Variants in SEMA6D observed in about 807,000 individuals in gnomAD.
SEMA6D encodes the protein semaphorin 6D, also known as semaphorin-6D.
Under a neutral mutation model 106.6 loss-of-function variants are expected in SEMA6D, and 35 were observed. The observed-to-expected ratio is 0.33, with a 90% CI of 0.25 to 0.44. SEMA6D has a LOEUF of 0.44. Ranked by LOEUF, SEMA6D falls within the 20% of genes least tolerant of loss-of-function variation. The probability of loss-of-function intolerance (pLI) is 1.00; values close to 1 mark genes in which losing one functional copy is unlikely to be tolerated. For synonymous variants in SEMA6D, 499 were observed against 487.7 expected (o/e 1.02, Z -0.31); for missense variants, 1,185 against 1,345.9 (o/e 0.88, Z 1.87).
At chr15:47,218,732 G>T (rs2030902488) in intron 1 of SEMA6D, among the ~76,000 whole-genome samples, 1 of 152,248 alleles carries the variant, frequency 6.6e-6, no homozygotes, top group Non-Finnish European at 1.5e-5. Context: ...ATTAATCCTT[G>T]CTCTGTGCCA....
At chr15:47,414,352 AAC>A (rs1658310254) in intron 2 of SEMA6D, among the ~76,000 whole-genome samples, 1 of 152,174 alleles carries the variant, frequency 6.6e-6, no homozygotes, top group African/African-American at 2.4e-5. Context: ...AATTTAAGAT[AAC>A]ATCCTAATTA....
rs1197901780 is a variant in SEMA6D at position 47,494,741 on chromosome 15, G to GATAGAT, written c.-87+24199_-87+24200insGATATA. On this transcript the variant is annotated intron_variant, in intron 3 of 19. Transcript: ENST00000558014. Reference sequence around the variant, plus strand: ...TTAAAAATCTGGAGAGTGGGATGGAGATATATATATATATATATATATATA... The same window carrying GATAGAT: ...TTAAAAATCTGGAGAGTGGGATGGAGATAGATATATATATATATATATATATATATA... 4.2e-3 allele frequency among the ~76,000 whole-genome samples: 137 copies of GATAGAT among 32,972 alleles called. 1 individual carries two copies. Among genetic ancestry groups the GATAGAT allele is most frequent in the South Asian group, 0.012 (6 of 520 alleles). 21.6% of individuals were successfully genotyped at this position (32,972 alleles called of 152,430 possible).
chr15:47,492,934 C>T (rs2043517671), intron 3 of SEMA6D, among the ~76,000 whole-genome samples: 1 of 152,042 alleles, frequency 6.6e-6, no homozygotes, highest in African/African-American at 2.4e-5. Context: ...GTATTAAATT[C>T]TTCCATATCC....
intron 3 of SEMA6D, among the ~76,000 whole-genome samples, chr15:47,583,939 C>T (rs1223224723): frequency 2.6e-5 from 4 of 152,128 alleles, no homozygotes; most frequent in Non-Finnish European, 5.9e-5. Context: ...ACACAATGAG[C>T]AAGTGCAGTC....
chr15:47,204,798 CTCAA>C (rs1894947132), intron 1 of SEMA6D, among the ~76,000 whole-genome samples: 1 of 152,136 alleles, frequency 6.6e-6, no homozygotes, highest in Non-Finnish European at 1.5e-5. Context: ...ATTTTAAGTG[CTCAA>C]TCAATGATGT....
chr15:47,374,942 C>G (rs150441316), intron 1 of SEMA6D, among the ~76,000 whole-genome samples: 3 of 152,294 alleles, frequency 2.0e-5, no homozygotes, highest in African/African-American at 7.2e-5. Flanking sequence ...GTTGCAGAGG[C>G]AGGCACGAGT....
chr15:47,476,644 G>A (rs1332896125), intron 3 of SEMA6D, among the ~76,000 whole-genome samples: 1 of 152,076 alleles, frequency 6.6e-6, no homozygotes, highest in Admixed American at 6.6e-5. Flanking sequence ...TGGGAATGGG[G>A]GTGGGGGGAG....
At chr15:47,661,375 A>T (rs2077915128) in intron 4 of SEMA6D, among the ~76,000 whole-genome samples, 1 of 152,210 alleles carries the variant, frequency 6.6e-6, no homozygotes, top group South Asian at 2.1e-4. Context: ...CAGAGTTAAG[A>T]TTTCTGAAAT....
At chr15:47,656,849 G>A (rs1407957394) in intron 4 of SEMA6D, among the ~76,000 whole-genome samples, 1 of 152,168 alleles carries the variant, frequency 6.6e-6, no homozygotes, top group Non-Finnish European at 1.5e-5. Context: ...TGATCAGCAT[G>A]GTGGCATCAG....
In SEMA6D at chr15:47,756,009, C is replaced by T. The variant is rs1001142733; in HGVS notation, c.-54-3736C>T. On this transcript the variant is annotated intron_variant, in intron 1 of 18. Coordinates refer to ENST00000536845, the MANE Select transcript of SEMA6D (RefSeq NM_001358351.3). ...TCACGCCCTGGTTGTTCTGGCAGCT[C>T]TGAACTCCCATTAAGAGCTTTCCTC... is the stretch of plus-strand genomic sequence containing the variant. Among the ~76,000 whole-genome samples the T allele has an allele frequency of 3.4e-4, 51 of 152,002 alleles. 1 individual carries two copies. The highest frequency in any genetic ancestry group is 8.8e-5 in the Non-Finnish European group (6 of 67,996).
At chr15:47,328,820 G>T (rs1225670955) in intron 1 of SEMA6D, among the ~76,000 whole-genome samples, 4 of 152,198 alleles carry the variant, frequency 2.6e-5, no homozygotes, top group African/African-American at 9.6e-5. Flanking sequence ...TGGTGATGGA[G>T]TCCACTGTTG....
chr15:47,351,141 A>G (rs763743045), intron 1 of SEMA6D, among the ~76,000 whole-genome samples: 1 of 152,134 alleles, frequency 6.6e-6, no homozygotes, highest in Non-Finnish European at 1.5e-5. Flanking sequence ...CTTCTTCCTA[A>G]AGAAAATGTT....
intron 1 of SEMA6D, among the ~76,000 whole-genome samples, chr15:47,202,082 T>G (rs1272194292): frequency 6.6e-6 from 1 of 152,026 alleles, no homozygotes; most frequent in Non-Finnish European, 1.5e-5. Context: ...GCCTGTGGTC[T>G]GTAACAGATT....
At chr15:47,191,669 A>G (rs1407775371) in intron 1 of SEMA6D, among the ~76,000 whole-genome samples, 1 of 152,238 alleles carries the variant, frequency 6.6e-6, no homozygotes, top group Non-Finnish European at 1.5e-5. Context: ...GAATACAATG[A>G]AAAATTAAAT....
chr15:47,703,339 T>C (rs1453710719), intron 4 of SEMA6D, among the ~76,000 whole-genome samples: 1 of 152,230 alleles, frequency 6.6e-6, no homozygotes, highest in African/African-American at 2.4e-5. Flanking sequence ...ATAAAAACAT[T>C]TTCATGCTTT....
chr15:47,370,710 A>ATTTTTTTTTTTTTTTTTTTTT (rs753063711), intron 1 of SEMA6D, among the ~76,000 whole-genome samples: 1 of 138,238 alleles, frequency 7.2e-6, no homozygotes, highest in Non-Finnish European at 1.5e-5. Context: ...AAAAAAAAAA[A>ATTTTTTTTTTTTTTTTTTTTT]TTTGATGGGT....
At chr15:47,741,908 G>T (rs2080844685) in intron 1 of SEMA6D, among the ~76,000 whole-genome samples, 1 of 152,198 alleles carries the variant, frequency 6.6e-6, no homozygotes, top group Non-Finnish European at 1.5e-5. Context: ...TCTACCCACT[G>T]TGGCAAATCC....
intron 2 of SEMA6D, among the ~76,000 whole-genome samples, chr15:47,451,665 T>A (rs539332198): frequency 3.3e-5 from 5 of 152,164 alleles, no homozygotes; most frequent in African/African-American, 1.2e-4. Flanking sequence ...TAACCTGGAA[T>A]TCTAACAACT....
chr15:47,228,163 C>CACACACACAT lies in SEMA6D; in HGVS notation c.-239+43746_-239+43747insCACACACATA, dbSNP rs374770930. Among the ~76,000 whole-genome samples the CACACACACAT allele has an allele frequency of 7.4e-3, 1,015 of 136,808 alleles. 13 individuals carry two copies. The highest frequency in any genetic ancestry group is 0.026 in the African/African-American group (965 of 36,804). The allele number at this position is 136,808 out of a possible 152,430, so 89.8% of individuals were successfully genotyped here. ...ACACACACACACACACACACACACA[C>CACACACACAT]ATATATATATAACCTTTTGTTACTT... On this transcript the variant is annotated intron_variant, in intron 1 of 19. Transcript: ENST00000558014.
Sources: allele counts gnomAD v4.1 joint callset (sites outside exome capture counted in the v4.1 genomes callset), GRCh38; gene constraint gnomAD v4.1.1; transcripts MANE v1.5; gene names NCBI Gene and HGNC (gene_info 2026-07-23, HGNC 2026-07-21).